ABHD17C: variants seen among roughly 807,000 people sequenced by gnomAD.
ABHD17C encodes alpha/beta hydrolase domain-containing protein 17C.
Under a neutral mutation model 27.9 loss-of-function variants are expected in ABHD17C, and 11 were observed. That is an observed-to-expected ratio of 0.39 (90% CI 0.25 to 0.65). The LOEUF is 0.65. ABHD17C is among the 30% of genes least tolerant of loss of function. ABHD17C has a pLI of 0.45. For synonymous variants in ABHD17C, 233 were observed against 209.1 expected, an observed-to-expected ratio of 1.11 and a Z score of -0.98; for missense variants, 280 against 470.2, an observed-to-expected ratio of 0.60 and a Z score of 3.74.
intron 1 of ABHD17C, among the ~76,000 whole-genome samples, chr15:80,706,557 G>A (rs978586815): frequency 1.3e-5 from 2 of 152,188 alleles, no homozygotes; most frequent in Non-Finnish European, 2.9e-5. Context: ...GGGGAAAAAT[G>A]TAAAGGAGCC....
intron 1 of ABHD17C, among the ~76,000 whole-genome samples, chr15:80,733,676 C>T (rs538544299): frequency 2.6e-5 from 4 of 152,316 alleles, no homozygotes; most frequent in African/African-American, 9.6e-5. Context: ...ATTGCTGTCT[C>T]AGATTCACAG....
intron 1 of ABHD17C, among the ~76,000 whole-genome samples, chr15:80,712,115 T>C (rs1243250195): frequency 6.6e-6 from 1 of 152,202 alleles, no homozygotes; most frequent in Non-Finnish European, 1.5e-5. Context: ...CTAGCCCTTA[T>C]CCCCTGGTCC....
rs67320992 is a variant in ABHD17C, at chr15:80,713,354, C to CTTTTTTTTTTTTT, written c.590+17351_590+17363dup. Among the ~76,000 whole-genome samples the CTTTTTTTTTTTTT allele has an allele frequency of 4.5e-3, 197 of 43,848 alleles. 43 individuals carry two copies. The highest frequency in any genetic ancestry group is 0.013 in the East Asian group (12 of 926). The allele number at this position is 43,848 out of a possible 152,430, so 28.8% of individuals were successfully genotyped here. A position where few individuals can be genotyped will look rare whatever the true frequency, so the allele number is the denominator to read the frequency against. ...GAAGGAAAGCCACTGAGGTCTTGTT[C>CTTTTTTTTTTTTT]TTTTTTTTTTTTTTTTTTTTTTTTT... On this transcript the variant is annotated intron_variant, in intron 1 of 2. Coordinates refer to ENST00000258884, the MANE Select transcript of ABHD17C (RefSeq NM_021214.2).
intron 1 of ABHD17C, among the ~76,000 whole-genome samples, chr15:80,710,387 A>G (rs960118303): frequency 2.0e-5 from 3 of 152,118 alleles, no homozygotes; most frequent in Admixed American, 2.0e-4. Context: ...AGGAAATGGG[A>G]GCCATTGGAG....
At chr15:80,715,338 C>A (rs2759316) in intron 1 of ABHD17C, among the ~76,000 whole-genome samples, 13,738 of 152,202 alleles carry the variant, frequency 0.09, 810 homozygotes, top group Non-Finnish European at 0.14. Context: ...AAACAGAAAC[C>A]TGGATAACTG....
intron 1 of ABHD17C, among the ~76,000 whole-genome samples, chr15:80,726,661 C>T (rs1043277917): frequency 1.3e-5 from 2 of 151,724 alleles, no homozygotes; most frequent in African/African-American, 4.8e-5. Context: ...TACAGGCACC[C>T]ACCACCACAC....
At chr15:80,734,237 G>T (rs554704826) in intron 1 of ABHD17C, among the ~76,000 whole-genome samples, 30 of 152,158 alleles carry the variant, frequency 2.0e-4, no homozygotes, top group Admixed American at 7.9e-4. Flanking sequence ...CTCCCACCTC[G>T]GCCTCCCAGA....
At chr15:80,740,237 A>T (rs1357412620) in intron 1 of ABHD17C, among the ~76,000 whole-genome samples, 11 of 151,976 alleles carry the variant, frequency 7.2e-5, no homozygotes, top group Admixed American at 5.2e-4. Flanking sequence ...TGTTGCTACC[A>T]TGTTAGTATC....
intron 1 of ABHD17C, chr15:80,702,881 A>G (rs1053755358): frequency 4.6e-5 from 7 of 152,140 alleles, no homozygotes; most frequent in Admixed American, 3.9e-4. Context: ...ATTTCATCTA[A>G]AAGATGTGAT....
Position 80,735,312 on chromosome 15 carries a change from A to G in ABHD17C, c.591-14201A>G, listed in dbSNP as rs548210055. On this transcript the variant is annotated intron_variant, in intron 1 of 2. Coordinates refer to ENST00000258884, the MANE Select transcript of ABHD17C (RefSeq NM_021214.2). ...AACAGACAAAAATCCAACTCTACCTATTATCTCCTTCCCAACCTCCCAATT... is the reference window on the plus strand; with the variant it reads ...AACAGACAAAAATCCAACTCTACCTGTTATCTCCTTCCCAACCTCCCAATT... Among the ~76,000 whole-genome samples, 22 of 152,208 alleles carry G rather than the reference A, an allele frequency of 1.4e-4. No homozygotes were observed. In the East Asian group the frequency reaches 4.1e-3, roughly 28 times the overall value.
chr15:80,723,300 A>G (rs1223727609), intron 1 of ABHD17C, among the ~76,000 whole-genome samples: 1 of 152,198 alleles, frequency 6.6e-6, no homozygotes, highest in Non-Finnish European at 1.5e-5. Flanking sequence ...CCCAGGGGTC[A>G]CCACTGACTT....
chr15:80,741,621 C>T (rs980308018), intron 1 of ABHD17C, among the ~76,000 whole-genome samples: 1 of 152,140 alleles, frequency 6.6e-6, no homozygotes, highest in African/African-American at 2.4e-5. Context: ...TTAAAGGAAG[C>T]CCTGTACGTG....
At chr15:80,699,377 A>T (rs1299959734) in intron 1 of ABHD17C, among the ~76,000 whole-genome samples, 1 of 151,954 alleles carries the variant, frequency 6.6e-6, no homozygotes, top group African/African-American at 2.4e-5. Flanking sequence ...CTTGGATCTT[A>T]TTTTATCTTC....
intron 1 of ABHD17C, among the ~76,000 whole-genome samples, chr15:80,714,052 CG>C (rs1042103836): frequency 2.0e-5 from 3 of 152,128 alleles, no homozygotes; most frequent in Admixed American, 1.3e-4. Flanking sequence ...CTCCTGGGCT[CG>C]GGTAGTCCTC....
At chr15:80,719,372 A>G (rs1339678459) in intron 1 of ABHD17C, among the ~76,000 whole-genome samples, 2 of 152,176 alleles carry the variant, frequency 1.3e-5, no homozygotes, top group African/African-American at 4.8e-5. Flanking sequence ...GGTAATGTCC[A>G]TGAGCTTTAT....
chr15:80,710,122 C>A (rs78884292), intron 1 of ABHD17C, among the ~76,000 whole-genome samples: 17,041 of 152,162 alleles, frequency 0.11, 1,190 homozygotes, highest in South Asian at 0.22. Flanking sequence ...CATTCAGAGA[C>A]TGACACATGG....
chr15:80,729,194 T>C (rs926455439), intron 1 of ABHD17C, among the ~76,000 whole-genome samples: 1 of 152,184 alleles, frequency 6.6e-6, no homozygotes, highest in Non-Finnish European at 1.5e-5. Flanking sequence ...TTCTGGTTCC[T>C]GGGAGGCCTC....
At position 80,696,357 on chromosome 15, in the gene ABHD17C, C is replaced by T. The variant is rs186329190; in HGVS notation, c.590+338C>T. Among the ~76,000 whole-genome samples the T allele has an allele frequency of 7.2e-5, 11 of 152,314 alleles. No individual in the cohort carries two copies. In the East Asian group the frequency reaches 2.1e-3, roughly 29 times the overall value. ...AGAGTGTGGGTGCTTAAGTACCGGG[C>T]AGAAAGAAACAACTTGGTTCGAGTT... On this transcript the variant is annotated intron_variant, in intron 1 of 2. Coordinates refer to ENST00000258884, the MANE Select transcript of ABHD17C (RefSeq NM_021214.2).
At chr15:80,749,249 A>C (rs547303990) in intron 1 of ABHD17C, among the ~76,000 whole-genome samples, 1 of 152,222 alleles carries the variant, frequency 6.6e-6, no homozygotes, top group Non-Finnish European at 1.5e-5. Flanking sequence ...CATATATTTA[A>C]TTAGCCAGAA....
Sources: gnomAD v4.1 joint callset for allele counts (sites outside exome capture counted in the v4.1 genomes callset) on GRCh38, gnomAD v4.1.1 for gene constraint, MANE v1.5 for transcripts, NCBI Gene and HGNC (gene_info 2026-07-23, HGNC 2026-07-21) for gene names.